Variants in TERF1 observed in about 807,000 individuals in gnomAD.
TERF1 encodes telomeric repeat binding factor 1.
Under a neutral mutation model 55.1 loss-of-function variants are expected in TERF1, and 20 were observed. The ratio of observed to expected loss-of-function variants is 0.36; its 90% CI spans 0.26 to 0.53. The LOEUF is 0.53. Ranked by LOEUF, TERF1 falls within the 20% of genes least tolerant of loss-of-function variation. The pLI, the probability that TERF1 is intolerant of heterozygous loss-of-function variation, is 0.91. For synonymous variants in TERF1, 168 were observed against 181.2 expected (o/e 0.93, Z 0.59); for missense variants, 439 against 535.7 (o/e 0.82, Z 1.78).
At chr8:73,018,467 G>A (rs1563458072) in intron 2 of TERF1, among the ~76,000 whole-genome samples, 2 of 152,088 alleles carry the variant, frequency 1.3e-5, no homozygotes, top group South Asian at 4.1e-4. Context: ...CCTGAGGTCA[G>A]GAGTTCGAGA....
chr8:73,008,876 A>G lies in TERF1; in HGVS notation c.-11A>G, dbSNP rs1277138591. 6.3e-7 allele frequency: 1 copy of G among 1,596,882 alleles called. No individual in the cohort carries two copies. The highest frequency in any genetic ancestry group is 8.5e-7 in the Non-Finnish European group (1 of 1,172,746). The stretch of plus-strand genomic sequence containing the variant: ...CGCCTGAAGGGGCAGTACCCAAGCG[A>G]GCCATTTAACATGGCGGAGGATGTT... On this transcript the variant is annotated 5_prime_UTR_variant, in exon 1 of 10. Transcript: ENST00000276603.
intron 3 of TERF1, among the ~76,000 whole-genome samples, 182 bp downstream of exon 3, chr8:73,020,987 C>G (rs1239594081): frequency 6.6e-6 from 1 of 152,108 alleles, no homozygotes; most frequent in Non-Finnish European, 1.5e-5. Flanking sequence ...ATGTGCCATA[C>G]TTAAGCATAT....
intron 8 of TERF1, among the ~76,000 whole-genome samples, chr8:73,036,805 TTTA>T (rs1325134150): frequency 3.5e-5 from 5 of 141,672 alleles, no homozygotes; most frequent in African/African-American, 1.0e-4. Flanking sequence ...TTGTATCACT[TTTA>T]TTATTGTAGT....
chr8:73,016,425 T>C (rs990162434), intron 2 of TERF1, among the ~76,000 whole-genome samples: 12 of 151,248 alleles, frequency 7.9e-5, no homozygotes, highest in Admixed American at 2.0e-4. Context: ...CCTCCTCTTA[T>C]GGAACTTTAA....
chr8:73,011,144 GA>G (rs1279070876), intron 1 of TERF1: 1 of 118,460 alleles, frequency 8.4e-6, no homozygotes, highest in Non-Finnish European at 1.9e-5. Context: ...AGTCCCTAAG[GA>G]GAGTCAGCCT....
At chr8:73,027,672 G>A (rs1259599387) in intron 6 of TERF1, among the ~76,000 whole-genome samples, 3 of 152,076 alleles carry the variant, frequency 2.0e-5, no homozygotes, top group Non-Finnish European at 4.4e-5. Context: ...CTTCTTTTCT[G>A]TTGAACCCAT....
chr8:73,017,355 C>T (rs1808554684), intron 2 of TERF1, among the ~76,000 whole-genome samples: 1 of 152,130 alleles, frequency 6.6e-6, no homozygotes. Flanking sequence ...TTGGTGTCTG[C>T]TTGTACTACT....
chr8:73,032,334 A>G (rs1055755624), intron 8 of TERF1, among the ~76,000 whole-genome samples: 23 of 152,182 alleles, frequency 1.5e-4, no homozygotes, highest in Admixed American at 7.9e-4. Flanking sequence ...TTCTTTTGCT[A>G]TGGTGGTACA....
chr8:73,042,380 A>G (rs1345102641), intron 9 of TERF1, among the ~76,000 whole-genome samples: 1 of 152,136 alleles, frequency 6.6e-6, no homozygotes, highest in Non-Finnish European at 1.5e-5. Context: ...TTTATTTTTT[A>G]GCTTTCCGTT....
At chr8:73,039,887 G>A (rs1237897747) in intron 9 of TERF1, among the ~76,000 whole-genome samples, 3 of 151,126 alleles carry the variant, frequency 2.0e-5, no homozygotes, top group African/African-American at 4.9e-5. Context: ...CTTGGCTCGA[G>A]TGATCCTCCC....
At chr8:73,043,389 CTG>C (rs1366857309) in intron 9 of TERF1, 2 of 152,134 alleles carry the variant, frequency 1.3e-5, no homozygotes, top group East Asian at 1.9e-4. Flanking sequence ...ATGCTAAACA[CTG>C]TTAGTTTTCA....
At chr8:73,028,193 C>A (rs1401089034) in intron 6 of TERF1, among the ~76,000 whole-genome samples, 1 of 152,150 alleles carries the variant, frequency 6.6e-6, no homozygotes, top group Non-Finnish European at 1.5e-5. Context: ...CATGAGCACA[C>A]TTCCTATGGA....
intron 9 of TERF1, among the ~76,000 whole-genome samples, chr8:73,039,770 G>GGGGT (rs1443536969): frequency 2.2e-5 from 3 of 136,364 alleles, no homozygotes; most frequent in African/African-American, 8.2e-5. Context: ...TTGTTTTTGT[G>GGGGT]GTGTGTGTGT....
At chr8:73,011,881 C>G (rs1029501869) in intron 1 of TERF1, 1 of 151,792 alleles carries the variant, frequency 6.6e-6, no homozygotes, top group African/African-American at 2.4e-5. Flanking sequence ...CTTTTACTTT[C>G]TTATCATTTA....
chr8:73,016,344 G>A (rs1808500549), intron 2 of TERF1, among the ~76,000 whole-genome samples: 1 of 151,990 alleles, frequency 6.6e-6, no homozygotes. Context: ...ACATGTTTGG[G>A]GTGATGTGGC....
intron 8 of TERF1, among the ~76,000 whole-genome samples, chr8:73,038,254 C>T (rs1337704524): frequency 6.6e-6 from 1 of 151,706 alleles, no homozygotes; most frequent in African/African-American, 2.4e-5. Context: ...ATTAAGAGAC[C>T]AGCCTGTGCA....
At chr8:73,033,147 C>A (rs1809364939) in intron 8 of TERF1, among the ~76,000 whole-genome samples, 1 of 151,604 alleles carries the variant, frequency 6.6e-6, no homozygotes, top group African/African-American at 2.4e-5. Context: ...AAATGATAGG[C>A]CTGCAGTAAA....
chr8:73,045,836 T>C, intron 9 of TERF1, 125 bp from the exon 10 acceptor site: 1 of 681,596 alleles, frequency 1.5e-6, no homozygotes, highest in Non-Finnish European at 2.3e-6. Flanking sequence ...AAGAAATGTT[T>C]AGAGAAGTCT....
chr8:73,026,247 C>T (rs1460480470), intron 5 of TERF1, among the ~76,000 whole-genome samples: 1 of 149,610 alleles, frequency 6.7e-6, no homozygotes, highest in East Asian at 2.0e-4. Context: ...CCTGTAATCC[C>T]AGCACTTTGG....
Sources: allele counts gnomAD v4.1 joint callset (sites outside exome capture counted in the v4.1 genomes callset), GRCh38; gene constraint gnomAD v4.1.1; transcripts MANE v1.5; gene names NCBI Gene and HGNC (gene_info 2026-07-23, HGNC 2026-07-21).